The following TDRD9 variants were observed in gnomAD, a reference collection of about 807,000 sequenced individuals.
The protein encoded by TDRD9 is tudor domain containing 9.
TDRD9 carries 124 observed loss-of-function variants against 172.6 expected under a neutral mutation model. The observed-to-expected ratio is 0.72, with a 90% CI of 0.62 to 0.83. The LOEUF is 0.83. Among genes scored for constraint, TDRD9 ranks in the 40% least tolerant of loss-of-function variants. The probability of loss-of-function intolerance (pLI) is 0.00; values close to 1 mark genes in which losing one functional copy is unlikely to be tolerated. For synonymous variants in TDRD9, 619 were observed against 617.1 expected, an observed-to-expected ratio of 1.00 and a Z score of -0.05; for missense variants, 1,479 against 1,714.1, an observed-to-expected ratio of 0.86 and a Z score of 2.42.
At chr14:103,964,504 A>AT (rs745734898) in intron 3 of TDRD9, among the ~76,000 whole-genome samples, 5 of 151,730 alleles carry the variant, frequency 3.3e-5, no homozygotes, top group East Asian at 3.9e-4. Flanking sequence ...ACTAGTTACT[A>AT]TTTTTTTTGT....
intron 34 of TDRD9, among the ~76,000 whole-genome samples, chr14:104,044,129 C>T (rs2035693955): frequency 4.6e-5 from 7 of 152,240 alleles, no homozygotes; most frequent in South Asian, 2.1e-4. Flanking sequence ...GGGAGGTACC[C>T]GCTGGCCACA....
intron 21 of TDRD9, 129 bp downstream of exon 21, chr14:104,014,970 G>A (rs2034742367): frequency 1.4e-5 from 7 of 504,806 alleles, no homozygotes; most frequent in Middle Eastern, 5.7e-4. Context: ...GGTCCATAGT[G>A]TTCATACTGC....
rs868639092 is a variant in TDRD9 at position 104,026,990 on chromosome 14, G to A, written c.3282+51G>A. On this transcript the variant is annotated intron_variant, in intron 28 of 35. Coordinates refer to ENST00000409874, the MANE Select transcript of TDRD9 (RefSeq NM_153046.3). ...CACGCGTTTGTGTGAGAGAGAACGGGGCAGGCTTTCCTTCCTCTGTGGACC... is the reference window on the plus strand; with the variant it reads ...CACGCGTTTGTGTGAGAGAGAACGGAGCAGGCTTTCCTTCCTCTGTGGACC... 101 of 1,583,960 alleles carry A rather than the reference G, an allele frequency of 6.4e-5. 1 individual carries two copies. Among genetic ancestry groups the A allele is most frequent in the Middle Eastern group, 1.8e-4 (1 of 5,476 alleles).
chr14:103,972,792 A>T (rs1308001205), intron 6 of TDRD9, among the ~76,000 whole-genome samples: 1 of 152,116 alleles, frequency 6.6e-6, no homozygotes, highest in Non-Finnish European at 1.5e-5. Context: ...GGATGTTCAT[A>T]TTTTCACTGG....
At chr14:104,033,659 G>A (rs1156545853) in intron 30 of TDRD9, among the ~76,000 whole-genome samples, 1 of 152,078 alleles carries the variant, frequency 6.6e-6, no homozygotes, top group South Asian at 2.1e-4. Context: ...AGAGGGTCTC[G>A]AGTGGAGGTG....
At chr14:104,045,547 G>C (rs2035747026) in intron 34 of TDRD9, among the ~76,000 whole-genome samples, 1 of 152,160 alleles carries the variant, frequency 6.6e-6, no homozygotes, top group South Asian at 2.1e-4. Context: ...TGTGTAGCTT[G>C]TCTTCTTATT....
At chr14:103,937,482 C>T (rs1056376897) in intron 1 of TDRD9, among the ~76,000 whole-genome samples, 1 of 152,176 alleles carries the variant, frequency 6.6e-6, no homozygotes, top group Non-Finnish European at 1.5e-5. Flanking sequence ...CCCTTCTTTC[C>T]CAGTCTCTCT....
intron 1 of TDRD9, among the ~76,000 whole-genome samples, chr14:103,938,944 A>G (rs71417888): frequency 0.081 from 12,306 of 152,304 alleles, 703 homozygotes; most frequent in Middle Eastern, 0.12. Flanking sequence ...GCCAACAACA[A>G]AGTGAGAGAT....
At position 103,975,501 on chromosome 14, in the gene TDRD9, A is replaced by G. The variant is rs777345747; in HGVS notation, c.959A>G (p.His320Arg). ...ATTTTTGAAGTGGAAGGCAAGCCCC[A>G]TTCAGTTGAAGAGTATTATCTTAAT... ...AYIFEVEGKPHSVEEYYLNDL... is the reference protein window; with the variant it reads ...AYIFEVEGKPRSVEEYYLNDL... The change falls in exon 7 of 36, where the codon CAT becomes CGT. Residue 320 changes from histidine to arginine, a missense_variant. Coordinates refer to ENST00000409874, the MANE Select transcript of TDRD9 (RefSeq NM_153046.3). 3.6e-5 allele frequency: 58 copies of G among 1,613,292 alleles called. No individual in the cohort carries two copies. Among genetic ancestry groups the G allele is most frequent in the Non-Finnish European group, 4.2e-5 (50 of 1,179,622 alleles).
intron 1 of TDRD9, among the ~76,000 whole-genome samples, chr14:103,950,815 C>G (rs2031834854): frequency 6.6e-6 from 1 of 152,160 alleles, no homozygotes; most frequent in Admixed American, 6.5e-5. Flanking sequence ...AGAGAGGAGT[C>G]TCACACTTGT....
intron 11 of TDRD9, among the ~76,000 whole-genome samples, chr14:103,995,439 C>T (rs1012635753): frequency 6.6e-6 from 1 of 152,146 alleles, no homozygotes; most frequent in South Asian, 2.1e-4. Context: ...TGGTTGTGCC[C>T]CTGGGCAATT....
At chr14:103,948,786 G>T (rs1038599037) in intron 1 of TDRD9, among the ~76,000 whole-genome samples, 1 of 150,400 alleles carries the variant, frequency 6.6e-6, no homozygotes, top group African/African-American at 2.5e-5. Context: ...TGGGAGGATT[G>T]CATGAGCCCA....
At chr14:103,932,175 A>T (rs191980108) in intron 1 of TDRD9, among the ~76,000 whole-genome samples, 2 of 152,268 alleles carry the variant, frequency 1.3e-5, no homozygotes, top group African/African-American at 4.8e-5. Context: ...TGAAACTGCT[A>T]TGTTTTTGCG....
At chr14:104,024,430 ATCTC>A in intron 24 of TDRD9, 135 bp from the exon 25 acceptor site, 1 of 528,936 alleles carries the variant, frequency 1.9e-6, no homozygotes. Flanking sequence ...CAAATTTGTC[ATCTC>A]TGGCTTAGGT....
rs2034442265 is a variant in TDRD9, at chr14:104,006,510, T to C, written c.1835T>C (p.Val612Ala). The C allele has an allele frequency of 2.5e-6, 4 of 1,613,808 alleles. No homozygotes were observed. The African/African-American group carries it at 4.0e-5, about 16-fold the overall frequency. The change falls in exon 16 of 36, where the codon GTC becomes GCC. Residue 612 changes from valine (V) to alanine (A), a missense_variant. Transcript: ENST00000409874. ...PVNQQLGKLI[V>A]LGHVFGCLDE... Reference sequence around the variant, plus strand: ...AATCAGCAACTTGGTAAACTCATAGTCCTTGGACATGTATTTGGATGTCTA... The same window carrying C: ...AATCAGCAACTTGGTAAACTCATAGCCCTTGGACATGTATTTGGATGTCTA...
chr14:104,005,134 C>T, intron 14 of TDRD9, 140 bp from the exon 15 acceptor site: 1 of 686,166 alleles, frequency 1.5e-6, no homozygotes, highest in Non-Finnish European at 2.4e-6. Flanking sequence ...CTCTTCTCTC[C>T]CTCCCTCAAT....
At position 103,965,351 on chromosome 14, in the gene TDRD9, A is replaced by G. The variant is rs2032689643; in HGVS notation, c.439A>G (p.Ser147Gly). Residue 147 changes from serine (S) to glycine (G), a missense_variant, in exon 4 of 36, where the codon AGT becomes GGT. By Grantham distance (56) the Ser-to-Gly change is moderately conservative. This residue lies in a region of TDRD9 where 1,413 missense variants were observed against 1,649.1 expected (regional missense o/e 0.86). Coordinates refer to ENST00000409874, the MANE Select transcript of TDRD9 (RefSeq NM_153046.3). ...YKEEVVSLIE[S>G]NSVVIIHGAT... Reference sequence around the variant, plus strand: ...TTTCTAGGTTGTGTCTTTGATAGAAAGTAATTCCGTGGTGATTATCCATGG... The same window carrying G: ...TTTCTAGGTTGTGTCTTTGATAGAAGGTAATTCCGTGGTGATTATCCATGG... 6.4e-7 allele frequency: 1 copy of G among 1,551,656 alleles called. No individual in the cohort carries two copies. Among genetic ancestry groups the G allele is most frequent in the African/African-American group, 1.4e-5 (1 of 73,068 alleles).
At chr14:104,002,570 G>C (rs1031534309) in intron 13 of TDRD9, among the ~76,000 whole-genome samples, 1 of 152,130 alleles carries the variant, frequency 6.6e-6, no homozygotes, top group Admixed American at 6.5e-5. Flanking sequence ...TGAGCAGTTG[G>C]TTGCCTTTGA....
rs2035095525 is a variant in TDRD9, at chr14:104,025,687, G to T, written c.2842G>T (p.Asp948Tyr). 1 of 1,614,014 alleles carries T rather than the reference G, an allele frequency of 6.2e-7. No homozygotes were observed. Among genetic ancestry groups the T allele is most frequent in the African/African-American group, 1.3e-5 (1 of 75,064 alleles). ...GCCCTTGCCCACTCACCCACATCCA[G>T]ACTTGGTCTGTCTGGCACCTTTTGC... ...LVPLPTHPHP[D>Y]LVCLAPFADF... Residue 948 changes from aspartate (D) to tyrosine (Y), a missense_variant, in exon 26 of 36, where the codon GAC becomes TAC. Coordinates refer to ENST00000409874, the MANE Select transcript of TDRD9 (RefSeq NM_153046.3).
Sources: allele counts gnomAD v4.1 joint callset (sites outside exome capture counted in the v4.1 genomes callset), GRCh38; gene constraint gnomAD v4.1.1; regional missense constraint gnomAD v4.1.1; transcripts MANE v1.5; gene names NCBI Gene and HGNC (gene_info 2026-07-23, HGNC 2026-07-21).